GABRB1: variants seen among roughly 807,000 people sequenced by gnomAD.
The protein encoded by GABRB1 is gamma-aminobutyric acid receptor subunit beta-1.
A neutral mutation model predicts 51.6 loss-of-function variants in GABRB1; 17 were observed. The observed-to-expected ratio is 0.33, with a 90% confidence interval of 0.23 to 0.49. GABRB1 has a LOEUF of 0.49. Among genes scored for constraint, GABRB1 ranks in the 20% least tolerant of loss-of-function variants. GABRB1 has a pLI of 0.99. For missense variants in GABRB1, 410 were observed against 600.6 expected, an observed-to-expected ratio of 0.68 and a Z score of 3.32; for synonymous variants, 247 against 218.9, an observed-to-expected ratio of 1.13 and a Z score of -1.14.
At chr4:47,342,438 T>C (rs1030517757) in intron 5 of GABRB1, among the ~76,000 whole-genome samples, 31 of 152,232 alleles carry the variant, frequency 2.0e-4, no homozygotes, top group African/African-American at 7.0e-4. Context: ...TTAGCAATTA[T>C]GGTGACAAAA....
chr4:47,401,278 A>C (rs1007379876), intron 5 of GABRB1, among the ~76,000 whole-genome samples: 2 of 152,178 alleles, frequency 1.3e-5, no homozygotes, highest in African/African-American at 4.8e-5. Flanking sequence ...TGAAATGGAA[A>C]CGTTTATGCT....
chr4:47,380,902 ACT>A (rs1272013738), intron 5 of GABRB1, among the ~76,000 whole-genome samples: 1 of 152,080 alleles, frequency 6.6e-6, no homozygotes, highest in Non-Finnish European at 1.5e-5. Flanking sequence ...TTTATTTTAG[ACT>A]CTATGGTTCA....
chr4:47,384,369 T>C (rs1727705792), intron 5 of GABRB1, among the ~76,000 whole-genome samples: 1 of 151,428 alleles, frequency 6.6e-6, no homozygotes, highest in South Asian at 2.1e-4. Flanking sequence ...GACAAATCAC[T>C]ATTTCTCATC....
intron 3 of GABRB1, among the ~76,000 whole-genome samples, chr4:47,078,667 G>A (rs1727677083): frequency 6.6e-6 from 1 of 152,128 alleles, no homozygotes; most frequent in African/African-American, 2.4e-5. Flanking sequence ...AGAACAGTGA[G>A]CCTGAGGATA....
chr4:47,387,753 G>C (rs1727850239), intron 5 of GABRB1, among the ~76,000 whole-genome samples: 1 of 152,178 alleles, frequency 6.6e-6, no homozygotes. Context: ...GGTAGAGGAG[G>C]TCAGAACAGG....
chr4:47,286,385 A>C (rs1723509554), intron 4 of GABRB1, among the ~76,000 whole-genome samples: 1 of 152,084 alleles, frequency 6.6e-6, no homozygotes, highest in African/African-American at 2.4e-5. Flanking sequence ...GATATTTCTA[A>C]TACAGTTCTA....
rs150381220 is a variant in GABRB1 at position 47,370,036 on chromosome 4, T to C, written c.545-33282T>C. Among the ~76,000 whole-genome samples the C allele has an allele frequency of 4.1e-3, 625 of 152,250 alleles. 6 individuals are homozygous for C. The highest frequency in any genetic ancestry group is 0.017 in the South Asian group (80 of 4,822). On this transcript the variant is annotated intron_variant, in intron 5 of 8. Coordinates refer to ENST00000295454, the MANE Select transcript of GABRB1 (RefSeq NM_000812.4). ...ATAAAGATGCTTCTCTTCAATTTCC[T>C]AAAGAACTGTCCCAAACCTGATTTC...
At chr4:47,418,732 C>A (rs927296676) in intron 8 of GABRB1, among the ~76,000 whole-genome samples, 4 of 152,086 alleles carry the variant, frequency 2.6e-5, no homozygotes, top group Admixed American at 1.3e-4. Context: ...AAATCCCTGC[C>A]CCCTTGGAGT....
chr4:47,379,948 A>G (rs1253889985), intron 5 of GABRB1, among the ~76,000 whole-genome samples: 1 of 152,178 alleles, frequency 6.6e-6, no homozygotes, highest in African/African-American at 2.4e-5. Flanking sequence ...TGTTTGCTGT[A>G]AGGTTTGAAT....
At chr4:47,104,374 G>A (rs1714855937) in intron 3 of GABRB1, among the ~76,000 whole-genome samples, 1 of 151,668 alleles carries the variant, frequency 6.6e-6, no homozygotes, top group African/African-American at 2.4e-5. Context: ...TATTTTATTT[G>A]TTTGTTTTTG....
At chr4:47,237,602 A>T (rs1367157919) in intron 4 of GABRB1, among the ~76,000 whole-genome samples, 2 of 152,044 alleles carry the variant, frequency 1.3e-5, no homozygotes, top group African/African-American at 2.4e-5. Context: ...AAAAATACCA[A>T]TTCCAGATTC....
intron 4 of GABRB1, among the ~76,000 whole-genome samples, chr4:47,282,191 A>G (rs1011684706): frequency 3.9e-5 from 6 of 152,232 alleles, no homozygotes; most frequent in South Asian, 2.1e-4. Context: ...TTTAAAAACT[A>G]TATTTAATCA....
At chr4:47,266,090 T>C (rs1706178936) in intron 4 of GABRB1, among the ~76,000 whole-genome samples, 1 of 152,176 alleles carries the variant, frequency 6.6e-6, no homozygotes, top group Non-Finnish European at 1.5e-5. Flanking sequence ...ACATTTAACC[T>C]TGAATTTATC....
chr4:47,113,381 G>A (rs1331296580), intron 3 of GABRB1, among the ~76,000 whole-genome samples: 39 of 102,366 alleles, frequency 3.8e-4, no homozygotes, highest in African/African-American at 1.7e-3. Context: ...GTGAGACTTC[G>A]TCTCCAAAAA....
At chr4:47,402,298 T>C (rs938022313) in intron 5 of GABRB1, among the ~76,000 whole-genome samples, 3 of 152,206 alleles carry the variant, frequency 2.0e-5, no homozygotes, top group African/African-American at 7.2e-5. Context: ...TGGTGTCCAC[T>C]ACAAAAAGCT....
chr4:47,123,730 T>TATA (rs1424968205), intron 3 of GABRB1, among the ~76,000 whole-genome samples: 1 of 87,596 alleles, frequency 1.1e-5, no homozygotes, highest in African/African-American at 4.7e-5. Context: ...ATATGATATA[T>TATA]CATATATTAT....
At chr4:47,034,396 A>G (rs574526113) in intron 3 of GABRB1, among the ~76,000 whole-genome samples, 27 of 152,264 alleles carry the variant, frequency 1.8e-4, no homozygotes, top group Non-Finnish European at 2.9e-4. Context: ...TAATTGAAAT[A>G]CCACTGGACA....
At chr4:47,374,349 A>G (rs1727307434) in intron 5 of GABRB1, among the ~76,000 whole-genome samples, 1 of 152,020 alleles carries the variant, frequency 6.6e-6, no homozygotes, top group Admixed American at 6.6e-5. Context: ...TGATCGTAAC[A>G]CTGCACTCCA....
rs566809954 is a variant in GABRB1, at chr4:47,370,297, G to A, written c.545-33021G>A. ...AAGTCAGGAGTTCGAGACCAGCCTG[G>A]ACAACATGGTGAAACCCCATCTCTA... On this transcript the variant is annotated intron_variant, in intron 5 of 8. Transcript: ENST00000295454. Among the ~76,000 whole-genome samples the A allele has an allele frequency of 1.5e-3, 234 of 152,226 alleles. 2 individuals carry two copies. Among genetic ancestry groups the A allele is most frequent in the African/African-American group, 5.4e-3 (226 of 41,530 alleles).
Sources: gnomAD v4.1 joint callset for allele counts (sites outside exome capture counted in the v4.1 genomes callset) on GRCh38, gnomAD v4.1.1 for gene constraint, MANE v1.5 for transcripts, NCBI Gene and HGNC (gene_info 2026-07-23, HGNC 2026-07-21) for gene names.